Variants in ERCC2 observed in about 807,000 individuals in gnomAD.
ERCC2 encodes ERCC excision repair 2, TFIIH core complex helicase subunit, also known as general transcription and DNA repair factor IIH helicase subunit XPD.
In ERCC2, 90 loss-of-function variants were observed where a neutral mutation model predicts 99.4. The ratio of observed to expected loss-of-function variants is 0.91; its 90% CI spans 0.76 to 1.08. ERCC2 has a LOEUF of 1.08. Ranked by LOEUF, ERCC2 falls within the 50% of genes least tolerant of loss-of-function variation. The probability of loss-of-function intolerance (pLI) is 0.00; values close to 1 mark genes in which losing one functional copy is unlikely to be tolerated. For synonymous variants in ERCC2, 497 were observed against 432.4 expected, an observed-to-expected ratio of 1.15 and a Z score of -1.85; for missense variants, 993 against 1,038.1, an observed-to-expected ratio of 0.96 and a Z score of 0.60.
At position 45,349,952 on chromosome 19, in the gene ERCC2, G is replaced by A. The variant is rs1003398695; in HGVS notation, c.*1677C>T. ...GGTGGGAGCTGTCGCTCCACTTTGCGTGTGGGAAGACTGAGGCACCGAGGC... is the reference window on the plus strand; with the variant it reads ...GGTGGGAGCTGTCGCTCCACTTTGCATGTGGGAAGACTGAGGCACCGAGGC... On this transcript the variant is annotated 3_prime_UTR_variant, in exon 23 of 23. Coordinates refer to ENST00000391945, the MANE Select transcript of ERCC2 (RefSeq NM_000400.4). The A allele has an allele frequency of 4.1e-5, 17 of 410,868 alleles. No individual in the cohort carries two copies. Among genetic ancestry groups the A allele is most frequent in the African/African-American group, 1.4e-4 (7 of 49,848 alleles). The allele number at this position is 410,868 out of a possible 1,614,324, so 25.5% of individuals were successfully genotyped here.
At chr19:45,367,368 TACACACACACACAC>T (rs35938083) in intron 5 of ERCC2, among the ~76,000 whole-genome samples, 6 of 83,272 alleles carry the variant, frequency 7.2e-5, no homozygotes, top group East Asian at 5.3e-4. Context: ...TATATATATA[TACACACACACACAC>T]ACACACACAC....
At chr19:45,354,518 A>G (rs903876763) in intron 17 of ERCC2, among the ~76,000 whole-genome samples, 21 of 152,124 alleles carry the variant, frequency 1.4e-4, no homozygotes, top group Non-Finnish European at 1.8e-4. Flanking sequence ...AGGGGCCCAC[A>G]TTGGGGCTTA....
Position 45,370,074 on chromosome 19 carries a change from G to C in ERCC2, c.105+59C>G, listed in dbSNP as rs1294042246. ...TCCAGACGTCCTGCAATCTGTCTTA[G>C]GCCCAGGCGTGGCAGCCCCACCGGT... On this transcript the variant is annotated intron_variant, in intron 2 of 22. Transcript: ENST00000391945. 6.5e-6 allele frequency: 10 copies of C among 1,532,326 alleles called. No homozygotes were observed. In the East Asian group the frequency reaches 1.6e-4, roughly 24 times the overall value. The allele number at this position is 1,532,326 out of a possible 1,614,324, so 94.9% of individuals were successfully genotyped here.
chr19:45,352,197 C>CGCAG lies in ERCC2; in HGVS notation c.2190+8_2190+11dup, dbSNP rs770586176. 6.2e-7 allele frequency: 1 copy of CGCAG among 1,613,122 alleles called. No individual in the cohort carries two copies. Among genetic ancestry groups the CGCAG allele is most frequent in the Non-Finnish European group, 8.5e-7 (1 of 1,179,802 alleles). ...GCCTGGGAGGGTGCCGGGAGGGGGA[C>CGCAG]GCAGGCCTCACCCGGTGGAAGGGCT... On this transcript the variant is annotated intron_variant, in intron 22 of 22. Coordinates refer to ENST00000391945, the MANE Select transcript of ERCC2 (RefSeq NM_000400.4).
chr19:45,360,738 C>T (rs141959550), intron 12 of ERCC2, among the ~76,000 whole-genome samples: 1,738 of 152,192 alleles, frequency 0.011, 29 homozygotes, highest in African/African-American at 0.039. Flanking sequence ...AGGCCAGTCT[C>T]GAACTCCTGA....
At chr19:45,356,231 C>T (rs545789905) in intron 15 of ERCC2, among the ~76,000 whole-genome samples, 2 of 152,316 alleles carry the variant, frequency 1.3e-5, no homozygotes, top group East Asian at 3.9e-4. Flanking sequence ...CACACAACCA[C>T]CATGCAGTGG....
In ERCC2 at chr19:45,351,066, GCAGA is replaced by G; in HGVS notation, c.*559_*562del. 1 of 1,613,840 alleles carries G rather than the reference GCAGA, an allele frequency of 6.2e-7. No homozygotes were observed. Among genetic ancestry groups the G allele is most frequent in the Non-Finnish European group, 8.5e-7 (1 of 1,179,888 alleles). On this transcript the variant is annotated 3_prime_UTR_variant, in exon 23 of 23. Coordinates refer to ENST00000391945, the MANE Select transcript of ERCC2 (RefSeq NM_000400.4). ...AATAGAGGAGGCCATGTGGGTAGGT[GCAGA>G]GATGAGGCAAAGGCAGGGCGGTCGG...
At chr19:45,367,285 A>G (rs1728224350) in intron 5 of ERCC2, among the ~76,000 whole-genome samples, 1 of 152,058 alleles carries the variant, frequency 6.6e-6, no homozygotes, top group Admixed American at 6.6e-5. Context: ...TAGTAAGCCA[A>G]GATCACTCCC....
rs1339015407 is a variant in ERCC2 at position 45,351,670 on chromosome 19, CCT to C, written c.2240_2241del (p.Glu747GlyfsTer26). ...ATCTGCTCTATCCTCTTCAGCGTCT[CCT>C]CTGATTCTAGCTGCTCCAGGCTGAG... ...SLLSLEQLES[E>X]ETLKRIEQIA... is the part of the protein sequence containing the mutation. On this transcript the variant is annotated frameshift_variant, in exon 23 of 23. Transcript: ENST00000391945. LOFTEE classifies it high-confidence loss of function. 3 of 1,613,928 alleles carry C rather than the reference CCT, an allele frequency of 1.9e-6. No individual in the cohort carries two copies. Among genetic ancestry groups the C allele is most frequent in the Non-Finnish European group, 2.5e-6 (3 of 1,180,014 alleles).
chr19:45,369,804 T>G (rs1972543862), intron 2 of ERCC2, among the ~76,000 whole-genome samples: 1 of 151,948 alleles, frequency 6.6e-6, no homozygotes, highest in Non-Finnish European at 1.5e-5. Flanking sequence ...GCCTCCCGAG[T>G]AGGTGGGATT....
At chr19:45,362,932 G>A (rs943003189) in intron 11 of ERCC2, among the ~76,000 whole-genome samples, 2 of 152,202 alleles carry the variant, frequency 1.3e-5, no homozygotes, top group Non-Finnish European at 2.9e-5. Context: ...TTTGCAGGGT[G>A]GGGATGCTGT....
rs776757816 is a variant in ERCC2 at position 45,351,280 on chromosome 19, CTCCAGTT to C, written c.*342_*348del. The C allele has an allele frequency of 6.2e-7, 1 of 1,612,338 alleles. No homozygotes were observed. Among genetic ancestry groups the C allele is most frequent in the Non-Finnish European group, 8.5e-7 (1 of 1,179,882 alleles). Reference sequence around the variant, plus strand: ...CCCTCCAACCATCCCCTGTGCCTGTCTCCAGTTTCCCAGCTGGCACCTGGACAAGGCC... The same window carrying C: ...CCCTCCAACCATCCCCTGTGCCTGTCTCCCAGCTGGCACCTGGACAAGGCC... On this transcript the variant is annotated 3_prime_UTR_variant, in exon 23 of 23. Coordinates refer to ENST00000391945, the MANE Select transcript of ERCC2 (RefSeq NM_000400.4).
At chr19:45,362,784 G>A (rs1452835375) in intron 11 of ERCC2, among the ~76,000 whole-genome samples, 1 of 152,196 alleles carries the variant, frequency 6.6e-6, no homozygotes, top group Admixed American at 6.5e-5. Flanking sequence ...AAACCCACAT[G>A]GAAGGTGGCC....
At chr19:45,352,149 G>A (rs1431314604) in intron 22 of ERCC2, 60 bp downstream of exon 22, 37 of 1,588,814 alleles carry the variant, frequency 2.3e-5, no homozygotes, top group Non-Finnish European at 2.8e-5. Flanking sequence ...GAATCCAAGG[G>A]GACTTTCTGG....
At chr19:45,352,950 AG>A in intron 19 of ERCC2, 132 bp downstream of exon 19, 1 of 1,181,380 alleles carries the variant, frequency 8.5e-7, no homozygotes, top group South Asian at 1.2e-5. Flanking sequence ...CTAGGGACAG[AG>A]GGGAGGGGAG....
At chr19:45,359,142 G>A (rs964682757) in intron 12 of ERCC2, among the ~76,000 whole-genome samples, 4 of 152,116 alleles carry the variant, frequency 2.6e-5, no homozygotes, top group African/African-American at 7.2e-5. Flanking sequence ...CTCAGCCTGG[G>A]GGTCAGGGAG....
intron 17 of ERCC2, among the ~76,000 whole-genome samples, 181 bp downstream of exon 17, chr19:45,354,549 T>G (rs925879072): frequency 6.6e-6 from 1 of 152,148 alleles, no homozygotes; most frequent in Non-Finnish European, 1.5e-5. Context: ...CTCAGCCTGA[T>G]GTACTGGGGG....
intron 16 of ERCC2, among the ~76,000 whole-genome samples, chr19:45,355,254 G>A (rs1361674345): frequency 6.6e-6 from 1 of 152,252 alleles, no homozygotes; most frequent in African/African-American, 2.4e-5. Context: ...CTACTCGGGA[G>A]GCTGAGGCAT....
In ERCC2 at chr19:45,351,328, GCCAGCA is replaced by G; in HGVS notation, c.*295_*300del. 1 of 1,612,024 alleles carries G rather than the reference GCCAGCA, an allele frequency of 6.2e-7. No homozygotes were observed. Among genetic ancestry groups the G allele is most frequent in the Non-Finnish European group, 8.5e-7 (1 of 1,179,994 alleles). ...GGACAAGGCCCCTCGGACCCTCAGC[GCCAGCA>G]CCCAGGACCTGAGCCCCCACTAACG... On this transcript the variant is annotated 3_prime_UTR_variant, in exon 23 of 23. Coordinates refer to ENST00000391945, the MANE Select transcript of ERCC2 (RefSeq NM_000400.4).
Sources: allele counts gnomAD v4.1 joint callset (sites outside exome capture counted in the v4.1 genomes callset), GRCh38; gene constraint gnomAD v4.1.1; transcripts MANE v1.5; gene names NCBI Gene and HGNC (gene_info 2026-07-23, HGNC 2026-07-21).